Variants in SLC6A6 observed in about 807,000 individuals in gnomAD.
SLC6A6 encodes sodium- and chloride-dependent taurine transporter.
In SLC6A6, 16 loss-of-function variants were observed where a neutral mutation model predicts 68.8. The ratio of observed to expected loss-of-function variants is 0.23; its 90% CI spans 0.16 to 0.35. SLC6A6 has a LOEUF of 0.35. Among genes scored for constraint, SLC6A6 ranks in the 10% least tolerant of loss-of-function variants. The pLI is 1.00. For missense variants in SLC6A6, 474 were observed against 802.8 expected (o/e 0.59, Z 4.95); for synonymous variants, 312 against 315.4 (o/e 0.99, Z 0.12).
At chr3:14,459,233 G>A (rs1463619601) in intron 6 of SLC6A6, among the ~76,000 whole-genome samples, 8 of 152,176 alleles carry the variant, frequency 5.3e-5, no homozygotes, top group African/African-American at 1.9e-4. Context: ...AAAGTCAAAG[G>A]AGCGTCTTAA....
intron 1 of SLC6A6, among the ~76,000 whole-genome samples, chr3:14,413,636 C>G (rs910607447): frequency 1.3e-5 from 2 of 152,068 alleles, no homozygotes; most frequent in African/African-American, 4.8e-5. Flanking sequence ...CAAGAGCCCT[C>G]CAGGCAATTC....
intron 2 of SLC6A6, among the ~76,000 whole-genome samples, chr3:14,439,980 C>T (rs531191352): frequency 1.3e-5 from 2 of 152,228 alleles, no homozygotes; most frequent in Admixed American, 6.5e-5. Flanking sequence ...TTGATCTCAC[C>T]CTGGGGAGGA....
chr3:14,477,238 GT>G lies in SLC6A6; in HGVS notation c.1245del (p.Asp416IlefsTer7). 1 of 1,613,448 alleles carries G rather than the reference GT, an allele frequency of 6.2e-7. No homozygotes were observed. The highest frequency in any genetic ancestry group is 8.5e-7 in the Non-Finnish European group (1 of 1,179,480). On this transcript the variant is annotated frameshift_variant, in exon 11 of 15. Coordinates refer to ENST00000622186, the MANE Select transcript of SLC6A6 (RefSeq NM_003043.6). LOFTEE classifies it high-confidence loss of function. This position sits in a 1 kb window ranked among gnomAD's most constrained non-coding sequence, Gnocchi z 4.2. The stretch of plus-strand genomic sequence containing the variant: ...AGTTGAAGGACAGATCACATCCTTG[GT>G]TGATCTTTACCCATCCTTCCTAAGG... ...VEVEGQITSLVDLYPSFLRKG... is the reference protein window; with the variant it reads ...VEVEGQITSLXDLYPSFLRKG...
intron 5 of SLC6A6, among the ~76,000 whole-genome samples, chr3:14,455,833 G>A (rs1421236600): frequency 6.6e-6 from 1 of 152,242 alleles, no homozygotes; most frequent in Non-Finnish European, 1.5e-5. Context: ...CAGCTGGGAT[G>A]TGGTTGGCCG....
chr3:14,479,139 C>G lies in SLC6A6; in HGVS notation c.1505C>G (p.Pro502Arg). The stretch of plus-strand genomic sequence containing the variant: ...GACATGATTGGCTATCGGCCCGGGC[C>G]CTGGATGAAGTACAGCTGGGCTGTG... ...IEDMIGYRPG[P>R]WMKYSWAVIT... Residue 502 changes from proline to arginine, a missense_variant, in exon 13 of 15, where the codon CCC becomes CGC. This residue lies in a region of SLC6A6 where 194 missense variants were observed against 269.8 expected (regional missense o/e 0.72). Transcript: ENST00000622186. The G allele has an allele frequency of 6.2e-7, 1 of 1,613,582 alleles. No homozygotes were observed. The highest frequency in any genetic ancestry group is 8.5e-7 in the Non-Finnish European group (1 of 1,179,546).
At chr3:14,416,501 G>A (rs1002287486) in intron 2 of SLC6A6, 48 bp downstream of exon 2, 2 of 398,544 alleles carry the variant, frequency 5.0e-6, no homozygotes, top group African/African-American at 4.1e-5. Flanking sequence ...CACACGTTGT[G>A]CAGTGACCCA....
intron 7 of SLC6A6, among the ~76,000 whole-genome samples, chr3:14,467,462 G>C (rs559530220): frequency 6.6e-6 from 1 of 152,326 alleles, no homozygotes; most frequent in South Asian, 2.1e-4. Flanking sequence ...CTGGCACTGG[G>C]CTGAATCGCC....
intron 2 of SLC6A6, among the ~76,000 whole-genome samples, chr3:14,442,063 G>T (rs28582599): frequency 2.6e-5 from 4 of 152,256 alleles, no homozygotes; most frequent in African/African-American, 9.6e-5. Flanking sequence ...AGCCAGCCAA[G>T]CGAGTGTGTC....
At chr3:14,423,028 A>C (rs142643367) in intron 2 of SLC6A6, among the ~76,000 whole-genome samples, 1 of 152,206 alleles carries the variant, frequency 6.6e-6, no homozygotes, top group Non-Finnish European at 1.5e-5. Flanking sequence ...CTGGGTCCAC[A>C]TCAATGAGAA....
At chr3:14,438,561 A>G (rs1699912323) in intron 2 of SLC6A6, among the ~76,000 whole-genome samples, 2 of 152,158 alleles carry the variant, frequency 1.3e-5, no homozygotes, top group South Asian at 4.1e-4. Flanking sequence ...CCACCTGTAG[A>G]ATGGATGTCA....
intron 2 of SLC6A6, among the ~76,000 whole-genome samples, chr3:14,418,937 C>T (rs1323323324): frequency 6.6e-6 from 1 of 152,230 alleles, no homozygotes; most frequent in Non-Finnish European, 1.5e-5. Context: ...GGCCCAGCCC[C>T]TTCCCCTTCC....
chr3:14,476,556 C>T (rs1036530007), intron 10 of SLC6A6, among the ~76,000 whole-genome samples: 2 of 152,202 alleles, frequency 1.3e-5, no homozygotes, highest in Non-Finnish European at 2.9e-5. Context: ...CTCTCATGGG[C>T]TTGTGATCCC....
intron 6 of SLC6A6, among the ~76,000 whole-genome samples, chr3:14,463,164 G>T (rs530549522): frequency 1.3e-5 from 2 of 152,326 alleles, no homozygotes; most frequent in South Asian, 4.1e-4. Context: ...TCCCAAAGGT[G>T]TGGGGACCTG....
In SLC6A6 at chr3:14,467,965, T is replaced by C. The variant is rs771088936; in HGVS notation, c.971+9T>C. The C allele has an allele frequency of 1.2e-6, 2 of 1,611,420 alleles. No individual in the cohort carries two copies. Among genetic ancestry groups the C allele is most frequent in the East Asian group, 4.5e-5 (2 of 44,870 alleles). ...AAGTATAACTCGTACAGGCAAGTGT[T>C]GCGCCGGCGGGCCTGGTGGACTTTA... On this transcript the variant is annotated intron_variant, in intron 8 of 14. Transcript: ENST00000622186.
At chr3:14,479,259 T>C in intron 13 of SLC6A6, 74 bp downstream of exon 13, 1 of 920,480 alleles carries the variant, frequency 1.1e-6, no homozygotes, top group Non-Finnish European at 1.8e-6. Context: ...CGCTAAACCA[T>C]CTTTCATGCA....
chr3:14,430,864 AG>A (rs1699709533), intron 2 of SLC6A6, among the ~76,000 whole-genome samples: 1 of 152,176 alleles, frequency 6.6e-6, no homozygotes, highest in South Asian at 2.1e-4. Context: ...GGAGGAGGCT[AG>A]AGACTGTAGC....
At chr3:14,406,536 G>A (rs1184067583) in intron 1 of SLC6A6, among the ~76,000 whole-genome samples, 1 of 152,170 alleles carries the variant, frequency 6.6e-6, no homozygotes, top group Admixed American at 6.5e-5. Flanking sequence ...GTAAACATGG[G>A]GGTGAAGGCC....
chr3:14,441,333 C>G (rs974537849), intron 2 of SLC6A6, among the ~76,000 whole-genome samples: 1 of 151,640 alleles, frequency 6.6e-6, no homozygotes, highest in Non-Finnish European at 1.5e-5. Context: ...CAATGGGCTG[C>G]CCTGATAACC....
intron 5 of SLC6A6, among the ~76,000 whole-genome samples, chr3:14,451,699 G>A (rs781380558): frequency 2.0e-5 from 3 of 152,172 alleles, no homozygotes; most frequent in Non-Finnish European, 4.4e-5. Context: ...CTGTATACGG[G>A]GCCTCGGAGA....
Sources: gnomAD v4.1 joint callset for allele counts (sites outside exome capture counted in the v4.1 genomes callset) on GRCh38, gnomAD v4.1.1 for gene constraint, gnomAD v4.1.1 regional missense constraint, Gnocchi (gnomAD v3.1) non-coding constraint, MANE v1.5 for transcripts, NCBI Gene and HGNC (gene_info 2026-07-23, HGNC 2026-07-21) for gene names.